The following NUFIP2 variants were observed in gnomAD, a reference collection of about 807,000 sequenced individuals.
NUFIP2 encodes the protein FMR1-interacting protein NUFIP2.
Under a neutral mutation model 56.9 loss-of-function variants are expected in NUFIP2, and 6 were observed. The observed-to-expected ratio is 0.11, with a 90% CI of 0.06 to 0.21. NUFIP2 has a LOEUF of 0.21. NUFIP2 is among the 10% of genes least tolerant of loss of function. NUFIP2 has a pLI of 1.00. For missense variants in NUFIP2, 828 were observed against 826.8 expected (o/e 1.00, Z -0.02); for synonymous variants, 321 against 298.2 (o/e 1.08, Z -0.79).
At chr17:29,277,405 T>A (rs529390970) in intron 2 of NUFIP2, among the ~76,000 whole-genome samples, 11 of 152,234 alleles carry the variant, frequency 7.2e-5, no homozygotes, top group South Asian at 2.1e-4. Context: ...CCAAACAAAC[T>A]GACTCCCACA....
At chr17:29,287,818 C>G in intron 1 of NUFIP2, 102 bp from the exon 2 acceptor site, 2 of 1,128,698 alleles carry the variant, frequency 1.8e-6, no homozygotes, top group South Asian at 1.7e-5. Context: ...AGACACTATG[C>G]TATGAGCTGT....
rs2153010468 is a variant in NUFIP2 at position 29,262,792 on chromosome 17, A to G, written c.*1747T>C. The G allele has an allele frequency of 6.6e-6, 1 of 151,642 alleles. No individual in the cohort carries two copies. Among genetic ancestry groups the G allele is most frequent in the East Asian group, 1.9e-4 (1 of 5,168 alleles). The allele number at this position is 151,642 out of a possible 1,614,324, so 9.4% of individuals were successfully genotyped here. On this transcript the variant is annotated 3_prime_UTR_variant, in exon 4 of 4. Coordinates refer to ENST00000225388, the MANE Select transcript of NUFIP2 (RefSeq NM_020772.3). Reference sequence around the variant, plus strand: ...TTGTTTACATCAAGTGGAATTGGCAATCCATGCTTATACTTTTAAAATCTA... The same window carrying G: ...TTGTTTACATCAAGTGGAATTGGCAGTCCATGCTTATACTTTTAAAATCTA...
chr17:29,293,009 C>T (rs1176434499), intron 1 of NUFIP2, among the ~76,000 whole-genome samples: 1 of 151,490 alleles, frequency 6.6e-6, no homozygotes, highest in Non-Finnish European at 1.5e-5. Context: ...ACCCTTCCCC[C>T]TCCGCTCCTC....
Position 29,287,577 on chromosome 17 carries a change from T to C in NUFIP2, c.417A>G (p.Val139=), listed in dbSNP as rs1598435951. 2.5e-6 allele frequency: 4 copies of C among 1,614,164 alleles called. No individual in the cohort carries two copies. The highest frequency in any genetic ancestry group is 1.6e-4 in the Middle Eastern group (1 of 6,062). The change falls in exon 2 of 4, where the codon GTA becomes GTG. Residue 139 remains valine, a synonymous_variant. Transcript: ENST00000225388. ...QVVDTSLKQT[V]KANTFGKAGI... Reference sequence around the variant, plus strand: ...CTGCTTTCCCAAAGGTGTTGGCCTTTACAGTCTGCTTCAGGCTAGTGTCTA... The same window carrying C: ...CTGCTTTCCCAAAGGTGTTGGCCTTCACAGTCTGCTTCAGGCTAGTGTCTA...
intron 2 of NUFIP2, among the ~76,000 whole-genome samples, chr17:29,276,141 C>T (rs1460592146): frequency 6.6e-6 from 1 of 151,802 alleles, no homozygotes; most frequent in Admixed American, 6.6e-5. Flanking sequence ...TTTGTGTCTC[C>T]TAGCACTTGA....
intron 1 of NUFIP2, 140 bp downstream of exon 1, chr17:29,293,643 G>T (rs964715269): frequency 3.9e-5 from 35 of 907,740 alleles, no homozygotes; most frequent in Admixed American, 9.5e-5. Context: ...GCTCTAGAAT[G>T]AAAGGGGCAT....
chr17:29,275,454 A>AT (rs1276056248), intron 2 of NUFIP2, among the ~76,000 whole-genome samples: 1 of 152,222 alleles, frequency 6.6e-6, no homozygotes, highest in Non-Finnish European at 1.5e-5. Context: ...CAGGAAGGTT[A>AT]TAGTAAAGGT....
In NUFIP2 at chr17:29,286,599, T is replaced by C. The variant is rs2069176046; in HGVS notation, c.1395A>G (p.Glu465=). The C allele has an allele frequency of 6.2e-7, 1 of 1,614,212 alleles. No individual in the cohort carries two copies. The highest frequency in any genetic ancestry group is 8.5e-7 in the Non-Finnish European group (1 of 1,180,038). ...QDMSLTSAAV[E]QIKTSLFIYP... ...AGATAAAAAGGCTAGTCTTAATTTG[T>C]TCAACAGCTGCTGAAGTTAGACTCA... Residue 465 remains glutamate, a synonymous_variant, in exon 2 of 4, where the codon GAA becomes GAG. Transcript: ENST00000225388.
At chr17:29,265,713 A>T (rs917975488) in intron 3 of NUFIP2, among the ~76,000 whole-genome samples, 5 of 24,248 alleles carry the variant, frequency 2.1e-4, no homozygotes, top group African/African-American at 7.8e-4. Flanking sequence ...TACATGCTTA[A>T]AAAAAAAAAA....
At chr17:29,275,845 T>C (rs2069104504) in intron 2 of NUFIP2, among the ~76,000 whole-genome samples, 1 of 151,858 alleles carries the variant, frequency 6.6e-6, no homozygotes, top group African/African-American at 2.4e-5. Context: ...CTGACCAACA[T>C]GGTGAAACCC....
At chr17:29,292,445 G>A (rs1167728755) in intron 1 of NUFIP2, among the ~76,000 whole-genome samples, 1 of 150,246 alleles carries the variant, frequency 6.7e-6, no homozygotes, top group South Asian at 2.1e-4. Flanking sequence ...GCTGCTAGAA[G>A]GAAAAGGCCC....
intron 2 of NUFIP2, among the ~76,000 whole-genome samples, chr17:29,282,935 T>A (rs983058050): frequency 3.2e-4 from 49 of 152,172 alleles, no homozygotes; most frequent in African/African-American, 1.2e-3. Context: ...GAGTGGCCAA[T>A]GGACTGCTAA....
chr17:29,267,674 A>C, intron 2 of NUFIP2, 144 bp from the exon 3 acceptor site: 1 of 543,616 alleles, frequency 1.8e-6, no homozygotes, highest in Non-Finnish European at 3.2e-6. Context: ...TATGAAGTTC[A>C]GATAAAGCAT....
Position 29,256,107 on chromosome 17 carries a change from G to C in NUFIP2, c.*8432C>G, listed in dbSNP as rs1036567156. 3 of 152,208 alleles carry C rather than the reference G, an allele frequency of 2.0e-5. No individual in the cohort carries two copies. The highest frequency in any genetic ancestry group is 7.2e-5 in the African/African-American group (3 of 41,450). 9.4% of individuals were successfully genotyped at this position (152,208 alleles called of 1,614,324 possible). On this transcript the variant is annotated 3_prime_UTR_variant, in exon 4 of 4. Coordinates refer to ENST00000225388, the MANE Select transcript of NUFIP2 (RefSeq NM_020772.3). ...GCAAAAGGGAAAATTTCTGGTGACT[G>C]TTCTTATATGTAGAAAAGACCTATA...
intron 2 of NUFIP2, among the ~76,000 whole-genome samples, chr17:29,270,364 C>T (rs947361158): frequency 1.3e-5 from 2 of 150,216 alleles, no homozygotes; most frequent in Non-Finnish European, 3.0e-5. Context: ...AAATTCTAGT[C>T]ACAGAAATCA....
rs2069177859 is a variant in NUFIP2 at position 29,286,786 on chromosome 17, A to G, written c.1208T>C (p.Met403Thr). 1 of 1,614,210 alleles carries G rather than the reference A, an allele frequency of 6.2e-7. No individual in the cohort carries two copies. Among genetic ancestry groups the G allele is most frequent in the Non-Finnish European group, 8.5e-7 (1 of 1,180,044 alleles). ...QSSSRLSQVP[M>T]SALKSVTSAN... ...AGAAGTAACAGATTTCAGCGCTGAC[A>G]TAGGGACCTGGGATAAGCGACTTGA... Residue 403 changes from methionine (M) to threonine (T), a missense_variant, in exon 2 of 4, where the codon ATG becomes ACG. This residue lies in a region of NUFIP2 where 404 missense variants were observed against 380.3 expected (regional missense o/e 1.06). Transcript: ENST00000225388.
rs140073931 is a variant in NUFIP2 at position 29,287,640 on chromosome 17, G to A, written c.354C>T (p.Asn118=). Residue 118 remains asparagine (N), a synonymous_variant, in exon 2 of 4, where the codon AAC becomes AAT. Coordinates refer to ENST00000225388, the MANE Select transcript of NUFIP2 (RefSeq NM_020772.3). ...TGCCATTGAGGACCCTGGAAATAGG[G>A]TTGGTGGCTTCATCAGAACTCAGGT... ...LKNLSSDEAT[N]PISRVLNGNQ... is the part of the protein sequence containing the mutation. 3.7e-5 allele frequency: 59 copies of A among 1,613,944 alleles called. No homozygotes were observed. The African/African-American group carries it at 7.3e-4, about 20-fold the overall frequency.
chr17:29,280,376 A>G (rs1393496827), intron 2 of NUFIP2, among the ~76,000 whole-genome samples: 2 of 152,250 alleles, frequency 1.3e-5, no homozygotes, highest in African/African-American at 4.8e-5. Context: ...CTTGCTAAGC[A>G]TTCTGAGATA....
intron 1 of NUFIP2, among the ~76,000 whole-genome samples, chr17:29,291,660 C>T (rs2069214329): frequency 6.6e-6 from 1 of 152,146 alleles, no homozygotes; most frequent in African/African-American, 2.4e-5. Flanking sequence ...TTAACCTGAC[C>T]GATGAGATAC....
Sources: gnomAD v4.1 joint callset for allele counts (sites outside exome capture counted in the v4.1 genomes callset) on GRCh38, gnomAD v4.1.1 for gene constraint, gnomAD v4.1.1 regional missense constraint, MANE v1.5 for transcripts, NCBI Gene and HGNC (gene_info 2026-07-23, HGNC 2026-07-21) for gene names.